Variants in SEMA5B observed in about 807,000 individuals in gnomAD.
The protein encoded by SEMA5B is semaphorin 5B.
Under a neutral mutation model 135.0 loss-of-function variants are expected in SEMA5B, and 66 were observed. The ratio of observed to expected loss-of-function variants is 0.49; its 90% CI spans 0.40 to 0.60. The LOEUF is 0.60. Ranked by LOEUF, SEMA5B falls within the 20% of genes least tolerant of loss-of-function variation. The probability of loss-of-function intolerance (pLI) is 0.00; values close to 1 mark genes in which losing one functional copy is unlikely to be tolerated. For missense variants in SEMA5B, 1,501 were observed against 1,566.3 expected (o/e 0.96, Z 0.70); for synonymous variants, 690 against 639.5 (o/e 1.08, Z -1.19).
At position 123,027,073 on chromosome 3, in the gene SEMA5B, C is replaced by G. The variant is rs150924783; in HGVS notation, c.-39+391G>C. 1,092 of 152,808 alleles carry G rather than the reference C, an allele frequency of 7.1e-3. 8 individuals carry two copies. The highest frequency in any genetic ancestry group is 0.034 in the Middle Eastern group (10 of 294). 9.5% of individuals were successfully genotyped at this position (152,808 alleles called of 1,614,324 possible). A position where few individuals can be genotyped will look rare whatever the true frequency, so the allele number is the denominator to read the frequency against. Reference sequence around the variant, plus strand: ...CCCTCAGTGCTGTTTACTAGCCGGCCCTCTCTGAGCCTCCATCTCCGCACC... The same window carrying G: ...CCCTCAGTGCTGTTTACTAGCCGGCGCTCTCTGAGCCTCCATCTCCGCACC... On this transcript the variant is annotated intron_variant, in intron 1 of 22. Transcript: ENST00000357599.
intron 1 of SEMA5B, among the ~76,000 whole-genome samples, chr3:122,988,729 G>C (rs1169572646): frequency 6.6e-6 from 1 of 152,234 alleles, no homozygotes; most frequent in African/African-American, 2.4e-5. Context: ...AAGCTCTGCT[G>C]GGAGAATGGC....
chr3:122,962,381 C>T lies in SEMA5B; in HGVS notation c.-38-1080G>A, dbSNP rs570571780. Among the ~76,000 whole-genome samples the T allele has an allele frequency of 7.2e-5, 11 of 152,298 alleles. No homozygotes were observed. In the East Asian group the frequency reaches 7.7e-4, roughly 11 times the overall value. On this transcript the variant is annotated intron_variant, in intron 1 of 22. Transcript: ENST00000357599. Reference sequence around the variant, plus strand: ...GAAGGAGCTACTGCTGGAGGAACATCGGGAAGCCCGACATGCAGGCCCGGC... The same window carrying T: ...GAAGGAGCTACTGCTGGAGGAACATTGGGAAGCCCGACATGCAGGCCCGGC...
intron 21 of SEMA5B, 175 bp downstream of exon 21, chr3:122,911,316 G>GC (rs1490378142): frequency 6.6e-7 from 1 of 1,510,994 alleles, no homozygotes; most frequent in Non-Finnish European, 8.9e-7. Flanking sequence ...TGGCCTCCTA[G>GC]CTGGGGGGGG....
At chr3:122,987,690 G>T (rs1044204405) in intron 1 of SEMA5B, among the ~76,000 whole-genome samples, 2 of 152,166 alleles carry the variant, frequency 1.3e-5, no homozygotes, top group African/African-American at 4.8e-5. Flanking sequence ...CCCTGTATTG[G>T]TCACTGGATT....
intron 2 of SEMA5B, among the ~76,000 whole-genome samples, chr3:122,954,940 A>G (rs79661383): frequency 0.11 from 16,951 of 150,762 alleles, 1,181 homozygotes; most frequent in Middle Eastern, 0.23. Context: ...CTACAGGCAC[A>G]TACCACCAGG....
At position 122,910,895 on chromosome 3, in the gene SEMA5B, T is replaced by C; in HGVS notation, c.3242A>G (p.His1081Arg). The C allele has an allele frequency of 1.9e-6, 3 of 1,612,092 alleles. No homozygotes were observed. The highest frequency in any genetic ancestry group is 2.5e-6 in the Non-Finnish European group (3 of 1,179,760). ...CTTCGGGGTGCCTCCGCCCTTGTAG[T>C]GCAAATGGTTGGGGGTGGCAGGATG... The part of the protein sequence containing the change: ...LVHPATPNHL[H>R]YKGGGTPKNE... Residue 1081 changes from histidine (H) to arginine (R), a missense_variant, in exon 22 of 23, where the codon CAC becomes CGC. His to Arg is a conservative substitution (Grantham distance 29, BLOSUM62 0). This residue lies in a region of SEMA5B where 927 missense variants were observed against 881.6 expected (regional missense o/e 1.05). Coordinates refer to ENST00000357599, the MANE Select transcript of SEMA5B (RefSeq NM_001031702.4).
chr3:122,938,567 C>A (rs1939409839), intron 5 of SEMA5B, among the ~76,000 whole-genome samples: 1 of 152,210 alleles, frequency 6.6e-6, no homozygotes, highest in Non-Finnish European at 1.5e-5. Flanking sequence ...TAAGTTCTAA[C>A]TTCTGATTAG....
intron 1 of SEMA5B, among the ~76,000 whole-genome samples, chr3:123,010,966 C>G (rs1247210427): frequency 1.3e-5 from 2 of 152,200 alleles, no homozygotes; most frequent in Non-Finnish European, 2.9e-5. Context: ...CACGGGCTCT[C>G]TCACTGAGGC....
chr3:122,960,395 G>A lies in SEMA5B; in HGVS notation c.124+745C>T, dbSNP rs142316540. Reference sequence around the variant, plus strand: ...GGTGGGAATGTAAAATGGTACAGCCGCTATGTAAAACAGTCTGGAGGTTTT... The same window carrying A: ...GGTGGGAATGTAAAATGGTACAGCCACTATGTAAAACAGTCTGGAGGTTTT... On this transcript the variant is annotated intron_variant, in intron 2 of 22. Coordinates refer to ENST00000357599, the MANE Select transcript of SEMA5B (RefSeq NM_001031702.4). Among the ~76,000 whole-genome samples, 401 of 152,276 alleles carry A rather than the reference G, an allele frequency of 2.6e-3. 1 individual carries two copies. The highest frequency in any genetic ancestry group is 0.014 in the Middle Eastern group (4 of 294).
At chr3:122,947,222 G>A (rs1325695699) in intron 3 of SEMA5B, among the ~76,000 whole-genome samples, 2 of 152,102 alleles carry the variant, frequency 1.3e-5, no homozygotes, top group African/African-American at 2.4e-5. Flanking sequence ...GAAGTCTGAG[G>A]GTGTGCACGA....
rs528705633 is a variant in SEMA5B, at chr3:122,941,030, A to C, written c.429-1560T>G. Among the ~76,000 whole-genome samples, 3 of 152,364 alleles carry C rather than the reference A, an allele frequency of 2.0e-5. No homozygotes were observed. The East Asian group carries it at 5.8e-4, about 29-fold the overall frequency. ...CAACTCTCCTGGGAGCTGGAATATG[A>C]GAACAGAGAGAAATCTCTGTAGCCT... On this transcript the variant is annotated intron_variant, in intron 4 of 22. Coordinates refer to ENST00000357599, the MANE Select transcript of SEMA5B (RefSeq NM_001031702.4).
In SEMA5B at chr3:122,910,150, T is replaced by G. The variant is rs778254488; in HGVS notation, c.3449A>C (p.Asn1150Thr). The G allele has an allele frequency of 6.2e-7, 1 of 1,614,014 alleles. No individual in the cohort carries two copies. The highest frequency in any genetic ancestry group is 1.1e-5 in the South Asian group (1 of 91,040). The part of the protein sequence containing the change: ...EASPGQRCFP[N>T]S Reference sequence around the variant, plus strand: ...GTCCCCAGGACGGCGGTATCAGCTGTTGGGGAAGCACCGTTGTCCAGGTGA... The same window carrying G: ...GTCCCCAGGACGGCGGTATCAGCTGGTGGGGAAGCACCGTTGTCCAGGTGA... Residue 1150 changes from asparagine (N) to threonine (T), a missense_variant, in exon 23 of 23, where the codon AAC becomes ACC. Transcript: ENST00000357599.
Position 122,912,891 on chromosome 3 carries a change from C to T in SEMA5B, c.2677G>A (p.Val893Met), listed in dbSNP as rs779789464. The T allele has an allele frequency of 3.7e-6, 6 of 1,609,340 alleles. No homozygotes were observed. In the Admixed American group the frequency reaches 5.0e-5, roughly 14 times the overall value. ...PEPRNGGLPC[V>M]GDAAEYQDCN... ...TCCTGGTACTCGGCAGCATCGCCCA[C>T]GCAGGGCAGGCCCCCGTTGCGGGGC... The change falls in exon 18 of 23, where the codon GTG (valine) becomes ATG (methionine). Residue 893 changes from valine to methionine, a missense_variant. Val to Met is a conservative substitution (Grantham distance 21). Transcript: ENST00000357599.
At chr3:122,936,796 A>G (rs1176281595) in intron 5 of SEMA5B, among the ~76,000 whole-genome samples, 2 of 152,054 alleles carry the variant, frequency 1.3e-5, no homozygotes, top group Non-Finnish European at 1.5e-5. Context: ...TCCACCTCCA[A>G]CACACACACT....
At position 122,913,603 on chromosome 3, in the gene SEMA5B, G is replaced by A. The variant is rs368956573; in HGVS notation, c.2211C>T (p.Asn737=). 8 of 1,613,346 alleles carry A rather than the reference G, an allele frequency of 5.0e-6. No homozygotes were observed. Among genetic ancestry groups the A allele is most frequent in the Non-Finnish European group, 6.8e-6 (8 of 1,179,966 alleles). ...GCCGCGACTGCATGCCCCCTCCACA[G>A]TTGCTGCTGCACTTGCTCCAGGAGC... ...SWGSWSKCSS[N]CGGGMQSRRR... is the part of the protein sequence containing the mutation. Residue 737 remains asparagine, a synonymous_variant, in exon 16 of 23, where the codon AAC becomes AAT. Coordinates refer to ENST00000357599, the MANE Select transcript of SEMA5B (RefSeq NM_001031702.4).
chr3:122,968,757 C>A (rs1403167774), intron 1 of SEMA5B, among the ~76,000 whole-genome samples: 1 of 152,180 alleles, frequency 6.6e-6, no homozygotes, highest in African/African-American at 2.4e-5. Context: ...CTCTTGGTGA[C>A]CTCAGCTGGG....
Position 122,910,976 on chromosome 3 carries a change from GC to G in SEMA5B, c.3160del (p.Ala1054GlnfsTer48). 6.2e-7 allele frequency: 1 copy of G among 1,613,990 alleles called. No homozygotes were observed. The highest frequency in any genetic ancestry group is 8.5e-7 in the Non-Finnish European group (1 of 1,179,992). On this transcript the variant is annotated frameshift_variant, in exon 22 of 23. Transcript: ENST00000357599. LOFTEE classifies it high-confidence loss of function. ...CFLGSGLLTL[A>X]VYLSCQHCQR... ...GCAGTGCTGGCAAGACAGGTACACT[GC>G]TAGGGTCAGGAGCCCAGAGCCCAAG...
intron 15 of SEMA5B, 52 bp from the exon 16 acceptor site, chr3:122,913,733 C>T: frequency 1.3e-6 from 2 of 1,599,128 alleles, no homozygotes; most frequent in Non-Finnish European, 1.7e-6. Flanking sequence ...CCTTCCCTGA[C>T]GAGAGGTCCC....
intron 1 of SEMA5B, among the ~76,000 whole-genome samples, chr3:123,007,195 C>T (rs1293678778): frequency 1.3e-5 from 2 of 152,122 alleles, no homozygotes; most frequent in African/African-American, 4.8e-5. Context: ...CCTTCTGCCC[C>T]ACTCAGTGTT....
Sources: gnomAD v4.1 joint callset for allele counts (sites outside exome capture counted in the v4.1 genomes callset) on GRCh38, gnomAD v4.1.1 for gene constraint, gnomAD v4.1.1 regional missense constraint, MANE v1.5 for transcripts, NCBI Gene and HGNC (gene_info 2026-07-23, HGNC 2026-07-21) for gene names.